The following NEMP1 variants were observed in gnomAD, a reference collection of about 807,000 sequenced individuals.
NEMP1 encodes the protein nuclear envelope integral membrane protein 1, also known as transmembrane protein 194.
A neutral mutation model predicts 53.7 loss-of-function variants in NEMP1; 29 were observed. The ratio of observed to expected loss-of-function variants is 0.54; its 90% confidence interval spans 0.40 to 0.74. The LOEUF (loss-of-function observed/expected upper bound fraction) is 0.74. Ranked by LOEUF, NEMP1 falls within the 30% of genes least tolerant of loss-of-function variation. The probability of loss-of-function intolerance (pLI) is 0.00; values close to 1 mark genes in which losing one functional copy is unlikely to be tolerated. For missense variants in NEMP1, 477 were observed against 528.6 expected, an observed-to-expected ratio of 0.90 and a Z score of 0.96; for synonymous variants, 193 against 192.9, an observed-to-expected ratio of 1.00 and a Z score of 0.00.
upstream of NEMP1, among the ~76,000 whole-genome samples, chr12:57,088,469 G>A (rs324010): frequency 0.48 from 72,447 of 152,066 alleles, 17,833 homozygotes; most frequent in Middle Eastern, 0.61. Context: ...GCACGCACAG[G>A]AGAAGCCGCA....
intron 7 of NEMP1, among the ~76,000 whole-genome samples, chr12:57,062,304 AC>A (rs1171750350): frequency 1.3e-5 from 2 of 152,006 alleles, no homozygotes; most frequent in Non-Finnish European, 2.9e-5. Flanking sequence ...ACATGGTGAA[AC>A]CACATCTCTA....
chr12:57,086,363 C>A (rs1218778589), intron 1 of NEMP1, among the ~76,000 whole-genome samples: 1 of 152,148 alleles, frequency 6.6e-6, no homozygotes, highest in Non-Finnish European at 1.5e-5. Context: ...GAGATCAGTT[C>A]CTCTGGTCTG....
chr12:57,076,975 G>C (rs1010801984), intron 1 of NEMP1, among the ~76,000 whole-genome samples: 1 of 150,712 alleles, frequency 6.6e-6, no homozygotes, highest in Admixed American at 6.6e-5. Context: ...GGGGGGTGGA[G>C]AAAAAAAATT....
In NEMP1 at chr12:57,070,713, T is replaced by C; in HGVS notation, c.433A>G (p.Ile145Val). 6.4e-7 allele frequency: 1 copy of C among 1,560,570 alleles called. No homozygotes were observed. The highest frequency in any genetic ancestry group is 8.7e-7 in the Non-Finnish European group (1 of 1,151,336). Residue 145 changes from isoleucine (I) to valine (V), a missense_variant, in exon 3 of 9, where the codon ATA becomes GTA. By Grantham distance (29) the Ile-to-Val change is conservative (BLOSUM62 3). Transcript: ENST00000300128. The part of the protein sequence containing the change: ...STKTCLKVEI[I>V]EKDTKYSVIV... ...ACACTGTACTTGGTGTCCTTCTCTA[T>C]AATCTCAACTTTGAGGCAGGTTTTT... is the stretch of plus-strand genomic sequence containing the variant.
intron 1 of NEMP1, among the ~76,000 whole-genome samples, chr12:57,084,391 C>T (rs1306656974): frequency 6.6e-6 from 1 of 152,134 alleles, no homozygotes; most frequent in Non-Finnish European, 1.5e-5. Flanking sequence ...CTCAGTCACC[C>T]AAGCTAGGAG....
Position 57,063,112 on chromosome 12 carries a change from C to T in NEMP1, c.980+7G>A, listed in dbSNP as rs1201739491. 3.8e-6 allele frequency: 6 copies of T among 1,598,436 alleles called. No homozygotes were observed. Among genetic ancestry groups the T allele is most frequent in the East Asian group, 2.2e-5 (1 of 44,820 alleles). ...GTCAATATTAAGTTACATTGCCTTT[C>T]AGTCACCTGCAGGTGATGTACAGCC... is the stretch of plus-strand genomic sequence containing the variant. On this transcript the variant is annotated splice_region_variant and intron_variant, in intron 7 of 8. Transcript: ENST00000300128.
chr12:57,078,033 A>T (rs2136520483), intron 1 of NEMP1, among the ~76,000 whole-genome samples: 1 of 152,276 alleles, frequency 6.6e-6, no homozygotes, highest in Non-Finnish European at 1.5e-5. Flanking sequence ...AGTGAGCGAG[A>T]TCGCACCACT....
intron 1 of NEMP1, among the ~76,000 whole-genome samples, chr12:57,074,972 C>T (rs1034398855): frequency 1.3e-5 from 2 of 152,088 alleles, no homozygotes; most frequent in African/African-American, 4.8e-5. Context: ...CACCTGTAAT[C>T]GCAGCTTCTT....
chr12:57,087,783 G>A (rs1035937412), intron 1 of NEMP1, among the ~76,000 whole-genome samples: 1 of 152,124 alleles, frequency 6.6e-6, no homozygotes, highest in Non-Finnish European at 1.5e-5. Context: ...GGCGGGGCGG[G>A]GCTGAGATTC....
chr12:57,068,353 A>AT (rs562019335), intron 4 of NEMP1, among the ~76,000 whole-genome samples: 4,007 of 140,758 alleles, frequency 0.028, 65 homozygotes, highest in Middle Eastern at 0.04. Flanking sequence ...TAAACACTTG[A>AT]TTTTTTTTTT....
intron 1 of NEMP1, among the ~76,000 whole-genome samples, chr12:57,077,379 TC>T (rs1486953493): frequency 6.7e-6 from 1 of 149,746 alleles, no homozygotes; most frequent in Non-Finnish European, 1.5e-5. Context: ...GCAAGTGTAA[TC>T]CCAGCTACTC....
intron 1 of NEMP1, among the ~76,000 whole-genome samples, chr12:57,073,307 G>A (rs533846166): frequency 1.6e-4 from 24 of 151,704 alleles, no homozygotes; most frequent in Non-Finnish European, 2.4e-4. Context: ...GCCCGCCACC[G>A]TGCCCGGCTA....
intron 1 of NEMP1, among the ~76,000 whole-genome samples, chr12:57,087,375 C>T (rs2033035288): frequency 7.2e-6 from 1 of 139,440 alleles, no homozygotes; most frequent in South Asian, 2.3e-4. Flanking sequence ...GGAGCGTGGG[C>T]TGGGGGAGGG....
chr12:57,066,185 G>T (rs966061807), intron 4 of NEMP1, among the ~76,000 whole-genome samples: 3 of 152,110 alleles, frequency 2.0e-5, no homozygotes, highest in Non-Finnish European at 2.9e-5. Context: ...AACCTGGGAG[G>T]CGGAGCTTGC....
At chr12:57,080,938 G>A (rs566804276), upstream of NEMP1, among the ~76,000 whole-genome samples, 13 of 151,040 alleles carry the variant, frequency 8.6e-5, no homozygotes, top group East Asian at 1.9e-4. Flanking sequence ...CTATGGGCAA[G>A]AGAAGAGATT....
chr12:57,069,101 T>C, intron 4 of NEMP1, 133 bp downstream of exon 4: 1 of 531,154 alleles, frequency 1.9e-6, no homozygotes. Context: ...AGTATTTTTT[T>C]AAATATCCAA....
intron 1 of NEMP1, among the ~76,000 whole-genome samples, chr12:57,086,218 C>T (rs2032987932): frequency 6.6e-6 from 1 of 152,186 alleles, no homozygotes; most frequent in South Asian, 2.1e-4. Flanking sequence ...ACAGTCTCTG[C>T]ACTCCTCTTC....
upstream of NEMP1, among the ~76,000 whole-genome samples, chr12:57,082,744 G>A (rs1317720538): frequency 6.6e-6 from 1 of 151,978 alleles, no homozygotes; most frequent in African/African-American, 2.4e-5. Context: ...AGGTGCAGTG[G>A]CTCATGCCTG....
chr12:57,076,378 T>C (rs1022978400), intron 1 of NEMP1, among the ~76,000 whole-genome samples: 7 of 151,450 alleles, frequency 4.6e-5, no homozygotes, highest in African/African-American at 1.7e-4. Flanking sequence ...AAATAATAAA[T>C]GAAGGCCAGG....
Sources: gnomAD v4.1 joint callset for allele counts (sites outside exome capture counted in the v4.1 genomes callset) on GRCh38, gnomAD v4.1.1 for gene constraint, MANE v1.5 for transcripts, NCBI Gene and HGNC (gene_info 2026-07-23, HGNC 2026-07-21) for gene names.